Variants in DENND5A observed in about 807,000 individuals in gnomAD.
The protein encoded by DENND5A is DENN domain-containing protein 5A.
DENND5A carries 64 observed loss-of-function variants against 140.3 expected under a neutral mutation model. The ratio of observed to expected loss-of-function variants is 0.46; its 90% CI spans 0.37 to 0.56. The LOEUF (loss-of-function observed/expected upper bound fraction) is 0.56, where lower values mean the gene tolerates loss of function less well. Ranked by LOEUF, DENND5A falls within the 20% of genes least tolerant of loss-of-function variation. The pLI is 0.00. For synonymous variants in DENND5A, 605 were observed against 607.7 expected (o/e 1.00, Z 0.07); for missense variants, 1,292 against 1,593.8 (o/e 0.81, Z 3.22).
At chr11:9,182,839 T>C (rs1240086830) in intron 5 of DENND5A, among the ~76,000 whole-genome samples, 1 of 152,188 alleles carries the variant, frequency 6.6e-6, no homozygotes, top group Non-Finnish European at 1.5e-5. Context: ...CAGTCTTCTA[T>C]AGCACTGTAG....
intron 1 of DENND5A, among the ~76,000 whole-genome samples, chr11:9,263,023 G>A (rs566689817): frequency 6.6e-6 from 1 of 152,132 alleles, no homozygotes; most frequent in South Asian, 2.1e-4. Context: ...TTACAGGCGT[G>A]AGCCACCGCG....
At chr11:9,160,897 C>A in intron 11 of DENND5A, 32 bp from the exon 12 acceptor site, 3 of 1,608,634 alleles carry the variant, frequency 1.9e-6, no homozygotes, top group Non-Finnish European at 2.6e-6. Context: ...GATTAAATAA[C>A]CACAGTGAGC....
chr11:9,256,050 C>CAG (rs61048695), intron 1 of DENND5A, among the ~76,000 whole-genome samples: 37,818 of 149,752 alleles, frequency 0.25, 5,596 homozygotes, highest in African/African-American at 0.41. Flanking sequence ...AGGTTAAACA[C>CAG]AGTTACTATA....
chr11:9,147,092 T>G lies in DENND5A; in HGVS notation c.2795A>C (p.Tyr932Ser), dbSNP rs768741195. The change falls in exon 16 of 23, where the codon TAT (tyrosine) becomes TCT (serine). Residue 932 changes from tyrosine to serine, a missense_variant. Tyr to Ser is a moderately radical substitution (Grantham distance 144). Coordinates refer to ENST00000328194, the MANE Select transcript of DENND5A (RefSeq NM_015213.4). ...GACGGCATTGAAAGACAGGAGGTGA[T>G]AGAGGAACTGCTCCTTCTCGTCATC... ...RCDDEKEQFL[Y>S]HLLSFNAVDY... The G allele has an allele frequency of 6.2e-6, 10 of 1,614,032 alleles. No individual in the cohort carries two copies. Among genetic ancestry groups the G allele is most frequent in the Non-Finnish European group, 8.5e-6 (10 of 1,179,938 alleles).
intron 1 of DENND5A, among the ~76,000 whole-genome samples, chr11:9,243,065 G>C (rs964960010): frequency 7.6e-6 from 1 of 131,966 alleles, no homozygotes; most frequent in African/African-American, 2.9e-5. Flanking sequence ...TCCAGCCTGG[G>C]CGACACAGCG....
chr11:9,253,578 T>C (rs1851818780), intron 1 of DENND5A, among the ~76,000 whole-genome samples: 1 of 151,460 alleles, frequency 6.6e-6, no homozygotes, highest in Non-Finnish European at 1.5e-5. Context: ...CTGGGCAAGA[T>C]GGTGAGAACC....
Position 9,149,883 on chromosome 11 carries a change from G to A in DENND5A, c.2735+198C>T, listed in dbSNP as rs112705342. Among the ~76,000 whole-genome samples the A allele has an allele frequency of 2.6e-3, 396 of 152,288 alleles. 1 individual carries two copies. Among genetic ancestry groups the A allele is most frequent in the African/African-American group, 8.8e-3 (367 of 41,570 alleles). On this transcript the variant is annotated intron_variant, in intron 15 of 22. Transcript: ENST00000328194. ...TTTGGGCATGCAGGTTGAGAAGACAGGGAGAACCAATATAGCGGAAGTATT... is the reference window on the plus strand; with the variant it reads ...TTTGGGCATGCAGGTTGAGAAGACAAGGAGAACCAATATAGCGGAAGTATT...
intron 1 of DENND5A, among the ~76,000 whole-genome samples, chr11:9,229,135 T>C (rs1226530268): frequency 6.6e-6 from 1 of 151,926 alleles, no homozygotes; most frequent in Non-Finnish European, 1.5e-5. Flanking sequence ...TGAACTGAAT[T>C]GGAAAAAAAT....
intron 11 of DENND5A, among the ~76,000 whole-genome samples, chr11:9,165,144 T>G (rs1312772969): frequency 6.6e-6 from 1 of 151,928 alleles, no homozygotes; most frequent in Non-Finnish European, 1.5e-5. Flanking sequence ...GGATTACAGG[T>G]GCATGCCACC....
intron 1 of DENND5A, among the ~76,000 whole-genome samples, chr11:9,215,543 C>T: frequency 7.6e-6 from 1 of 131,666 alleles, no homozygotes; most frequent in Non-Finnish European, 1.6e-5. Flanking sequence ...AAACCCAATC[C>T]TGTGTTCTTT....
intron 12 of DENND5A, among the ~76,000 whole-genome samples, chr11:9,154,049 T>A (rs1323198038): frequency 1.3e-5 from 2 of 152,178 alleles, no homozygotes; most frequent in African/African-American, 4.8e-5. Context: ...AATATAAAGG[T>A]GGTATGTTTG....
chr11:9,257,905 G>A (rs183860803), intron 1 of DENND5A, among the ~76,000 whole-genome samples: 3 of 151,552 alleles, frequency 2.0e-5, no homozygotes, highest in East Asian at 1.9e-4. Context: ...CGATTCTCTC[G>A]CCTCAGCCTC....
chr11:9,237,126 G>C (rs1851036682), intron 1 of DENND5A, among the ~76,000 whole-genome samples: 1 of 152,148 alleles, frequency 6.6e-6, no homozygotes, highest in Non-Finnish European at 1.5e-5. Flanking sequence ...ATTAAAACAA[G>C]ATATGTTTGG....
chr11:9,196,248 C>T lies in DENND5A; in HGVS notation c.950-2567G>A, dbSNP rs574566867. 2.0e-4 allele frequency among the ~76,000 whole-genome samples: 30 copies of T among 152,118 alleles called. No homozygotes were observed. The East Asian group carries it at 3.7e-3, about 19-fold the overall frequency. ...GATTACAGGTGTGAGCCACCGTGCC[C>T]GGCCCATTTTTATGACTTGTATGTG... On this transcript the variant is annotated intron_variant, in intron 4 of 22. Coordinates refer to ENST00000328194, the MANE Select transcript of DENND5A (RefSeq NM_015213.4).
At chr11:9,148,327 C>G (rs1357543336) in intron 15 of DENND5A, among the ~76,000 whole-genome samples, 1 of 150,300 alleles carries the variant, frequency 6.7e-6, no homozygotes, top group African/African-American at 2.4e-5. Flanking sequence ...AGCTACTGTA[C>G]CAAAGGTGTC....
chr11:9,262,721 T>C (rs1431881722), intron 1 of DENND5A, among the ~76,000 whole-genome samples: 1 of 144,880 alleles, frequency 6.9e-6, no homozygotes, highest in African/African-American at 2.5e-5. Context: ...TGAACAATTA[T>C]TAGGTACTCA....
At chr11:9,243,115 AAC>A (rs1564936269) in intron 1 of DENND5A, among the ~76,000 whole-genome samples, 8 of 149,850 alleles carry the variant, frequency 5.3e-5, no homozygotes, top group Non-Finnish European at 1.0e-4. Flanking sequence ...CAAAAAAAAA[AAC>A]TGAGGCGAGT....
At chr11:9,213,997 A>G (rs1849987582) in intron 1 of DENND5A, among the ~76,000 whole-genome samples, 1 of 152,152 alleles carries the variant, frequency 6.6e-6, no homozygotes, top group Non-Finnish European at 1.5e-5. Flanking sequence ...CATACGTCTA[A>G]GTTAATATGC....
rs1236249057 is a variant in DENND5A, at chr11:9,142,767, T to A, written c.3466A>T (p.Lys1156Ter). ...ACATTTTTGAAGAGCCGGGGCGATT[T>A]AAATCCATGCTGGAAAGCCTGTTCC... ...ALEQAFQHGF[K>*]SPRLFKNVFI... The change falls in exon 21 of 23, where the codon AAA becomes TAA. Residue 1156 changes from lysine to a stop codon, truncating the protein, a stop_gained. Coordinates refer to ENST00000328194, the MANE Select transcript of DENND5A (RefSeq NM_015213.4). LOFTEE classifies it high-confidence loss of function. 1 of 1,614,038 alleles carries A rather than the reference T, an allele frequency of 6.2e-7. No individual in the cohort carries two copies. Among genetic ancestry groups the A allele is most frequent in the African/African-American group, 1.3e-5 (1 of 74,908 alleles).
Sources: gnomAD v4.1 joint callset for allele counts (sites outside exome capture counted in the v4.1 genomes callset) on GRCh38, gnomAD v4.1.1 for gene constraint, MANE v1.5 for transcripts, NCBI Gene and HGNC (gene_info 2026-07-23, HGNC 2026-07-21) for gene names.